NAV1: variants seen among roughly 807,000 people sequenced by gnomAD.
NAV1 encodes the protein neuron navigator 1.
A neutral mutation model predicts 175.2 loss-of-function variants in NAV1; 18 were observed. That is an observed-to-expected ratio of 0.10 (90% CI 0.07 to 0.15). NAV1 has a LOEUF of 0.15. Among genes scored for constraint, NAV1 ranks in the 10% least tolerant of loss-of-function variants. The pLI is 1.00. For missense variants in NAV1, 1,731 were observed against 2,436.6 expected (o/e 0.71, Z 6.10); for synonymous variants, 897 against 978.7 (o/e 0.92, Z 1.56).
At chr1:201,712,311 A>T (rs1050098892) in intron 1 of NAV1, among the ~76,000 whole-genome samples, 3 of 152,186 alleles carry the variant, frequency 2.0e-5, no homozygotes, top group African/African-American at 7.2e-5. Context: ...GTGACATCAG[A>T]TTGGTAGATT....
In NAV1 at chr1:201,718,247, T is replaced by G; in HGVS notation, c.861-143T>G. The G allele has an allele frequency of 1.3e-6, 1 of 754,276 alleles. No individual in the cohort carries two copies. The highest frequency in any genetic ancestry group is 2.0e-6 in the Non-Finnish European group (1 of 506,382). 46.7% of individuals were successfully genotyped at this position (754,276 alleles called of 1,614,324 possible). A position where few individuals can be genotyped will look rare whatever the true frequency, so the allele number is the denominator to read the frequency against. ...AGGTAACACACAACCAGAGGCCTCA[T>G]GGAGGAGGTGGAGCTTGGGCAGGTG... On this transcript the variant is annotated intron_variant, in intron 2 of 29. Transcript: ENST00000367296. The surrounding 1 kb of genome is among the most constrained non-coding windows in gnomAD (Gnocchi z 4.8).
chr1:201,611,227 C>T (rs898731418), intron 2 of NAV1, among the ~76,000 whole-genome samples: 1 of 152,178 alleles, frequency 6.6e-6, no homozygotes, highest in East Asian at 1.9e-4. Flanking sequence ...TGCCAAGGAC[C>T]AGGCCCAGCT....
At chr1:201,554,967 A>C (rs1275472458) in intron 1 of NAV1, among the ~76,000 whole-genome samples, 1 of 152,114 alleles carries the variant, frequency 6.6e-6, no homozygotes, top group Admixed American at 6.6e-5. Context: ...GTGTAGAGAC[A>C]CATCACTCCG....
chr1:201,558,244 G>A (rs1043111421), intron 1 of NAV1, among the ~76,000 whole-genome samples: 12 of 152,204 alleles, frequency 7.9e-5, no homozygotes, highest in Non-Finnish European at 1.6e-4. Flanking sequence ...AACCCAGTGA[G>A]GTCCAGAGGC....
At chr1:201,760,441 C>T (rs1162302330) in intron 3 of NAV1, among the ~76,000 whole-genome samples, 1 of 152,202 alleles carries the variant, frequency 6.6e-6, no homozygotes, top group African/African-American at 2.4e-5. Context: ...TTATTGATGA[C>T]TCTCCATAAC....
chr1:201,707,040 G>A (rs1671699742), intron 1 of NAV1, among the ~76,000 whole-genome samples: 1 of 152,198 alleles, frequency 6.6e-6, no homozygotes, highest in Admixed American at 6.5e-5. Flanking sequence ...GGCCCCAAGA[G>A]AACGGGATTG....
At chr1:201,629,445 G>A in exon 2 of NAV1, 1 of 1,304,242 alleles carries the variant, frequency 7.7e-7, no homozygotes, top group Non-Finnish European at 1.0e-6. Context: ...TCCCAGGGCA[G>A]CTGGCCCCTT....
At chr1:201,726,970 G>A (rs976237848) in intron 3 of NAV1, among the ~76,000 whole-genome samples, 2 of 152,222 alleles carry the variant, frequency 1.3e-5, no homozygotes, top group African/African-American at 4.8e-5. Context: ...TAGGCTGCCT[G>A]TGTTTGTGTC....
intron 1 of NAV1, among the ~76,000 whole-genome samples, chr1:201,548,152 G>A (rs1208249513): frequency 1.3e-5 from 2 of 152,228 alleles, no homozygotes; most frequent in Non-Finnish European, 2.9e-5. Flanking sequence ...GAGGAGGAAA[G>A]TGAGGCTCTA....
chr1:201,720,642 C>G (rs188414696), intron 3 of NAV1, among the ~76,000 whole-genome samples: 1 of 152,336 alleles, frequency 6.6e-6, no homozygotes, highest in Admixed American at 6.5e-5. Flanking sequence ...CCTCCCCAGG[C>G]TTTCTTTCAT....
chr1:201,574,062 G>GA (rs111716555), intron 1 of NAV1, among the ~76,000 whole-genome samples: 197 of 137,834 alleles, frequency 1.4e-3, no homozygotes, highest in African/African-American at 2.9e-3. Context: ...CTGTCTCTAA[G>GA]AAAAAAAAAA....
intron 2 of NAV1, among the ~76,000 whole-genome samples, chr1:201,642,571 C>T (rs61817989): frequency 1.5e-3 from 86 of 57,186 alleles, no homozygotes; most frequent in Middle Eastern, 0.01. Context: ...CCTTTCTTCC[C>T]TTCCTTCTCT....
chr1:201,546,483 C>A (rs892259202), intron 1 of NAV1, among the ~76,000 whole-genome samples: 8 of 152,160 alleles, frequency 5.3e-5, no homozygotes, highest in African/African-American at 1.9e-4. Flanking sequence ...ATTTTGAAAA[C>A]CGTCAGATAA....
rs1454929607 is a variant in NAV1 at position 201,701,429 on chromosome 1, GA to G, written c.758-11383del. 1.2e-3 allele frequency among the ~76,000 whole-genome samples: 17 copies of G among 14,054 alleles called. No individual in the cohort carries two copies. In the South Asian group the frequency reaches 0.013, roughly 11 times the overall value. 9.2% of individuals were successfully genotyped at this position (14,054 alleles called of 152,430 possible). On this transcript the variant is annotated intron_variant, in intron 1 of 29. Transcript: ENST00000367296. The stretch of plus-strand genomic sequence containing the variant: ...AAGTATAATAAAAAAAATAAAAAAA[GA>G]AAAAGAAAAAGAGCCAGTAATATTA...
At chr1:201,630,534 A>T (rs910270626) in intron 2 of NAV1, among the ~76,000 whole-genome samples, 1 of 152,122 alleles carries the variant, frequency 6.6e-6, no homozygotes, top group African/African-American at 2.4e-5. Context: ...TTGGCCTGGG[A>T]GCTGGGACCT....
chr1:201,811,496 G>C (rs1307184688), intron 24 of NAV1, 107 bp from the exon 29 acceptor site: 2 of 1,354,164 alleles, frequency 1.5e-6, no homozygotes, highest in Non-Finnish European at 2.1e-6. Flanking sequence ...GGAACTAAAG[G>C]CCCCAGGGGA....
chr1:201,649,452 C>T (rs1306388052), intron 1 of NAV1, 27 bp downstream of exon 5: 3 of 1,478,828 alleles, frequency 2.0e-6, no homozygotes, highest in Non-Finnish European at 2.7e-6. Context: ...CGCCCCGCCC[C>T]GCCCCTGGCT....
At chr1:201,777,978 C>T (rs1676070133) in intron 3 of NAV1, among the ~76,000 whole-genome samples, 2 of 152,056 alleles carry the variant, frequency 1.3e-5, no homozygotes. Context: ...AGAAACTATG[C>T]TCTCTTCAGT....
At chr1:201,818,528 CAAAA>C (rs373302622) in intron 29 of NAV1, among the ~76,000 whole-genome samples, 1 of 93,780 alleles carries the variant, frequency 1.1e-5, no homozygotes, top group Non-Finnish European at 2.3e-5. Context: ...GACTCCCTCT[CAAAA>C]AAAAAAAAAA....
Sources: allele counts gnomAD v4.1 joint callset (sites outside exome capture counted in the v4.1 genomes callset), GRCh38; gene constraint gnomAD v4.1.1; non-coding constraint Gnocchi (gnomAD v3.1); transcripts MANE v1.5; gene names NCBI Gene and HGNC (gene_info 2026-07-23, HGNC 2026-07-21).